The following EYA4 variants were observed in gnomAD, a reference collection of about 807,000 sequenced individuals.
The protein encoded by EYA4 is EYA transcriptional coactivator and phosphatase 4.
Under a neutral mutation model 87.9 loss-of-function variants are expected in EYA4, and 31 were observed. The ratio of observed to expected loss-of-function variants is 0.35; its 90% CI spans 0.27 to 0.48. EYA4 has a LOEUF of 0.48. EYA4 is among the 20% of genes least tolerant of loss of function. The pLI, the probability that EYA4 is intolerant of heterozygous loss-of-function variation, is 0.99. For synonymous variants in EYA4, 263 were observed against 270.6 expected (o/e 0.97, Z 0.28); for missense variants, 678 against 761.4 (o/e 0.89, Z 1.29).
chr6:133,488,210 T>G (rs1188255862), intron 13 of EYA4, among the ~76,000 whole-genome samples: 2 of 151,920 alleles, frequency 1.3e-5, no homozygotes, highest in Non-Finnish European at 2.9e-5. Context: ...GGGTGCTAGC[T>G]CAACCACAGT....
intron 3 of EYA4, among the ~76,000 whole-genome samples, chr6:133,440,454 T>C (rs1201847233): frequency 6.6e-6 from 1 of 152,204 alleles, no homozygotes; most frequent in Non-Finnish European, 1.5e-5. Flanking sequence ...GCTTCTTTTT[T>C]TTCATTTGTT....
chr6:133,389,913 C>T (rs1422583816), intron 3 of EYA4, among the ~76,000 whole-genome samples: 2 of 152,116 alleles, frequency 1.3e-5, no homozygotes, highest in Non-Finnish European at 1.5e-5. Flanking sequence ...AATCTTGCCA[C>T]CTCACCTCTG....
intron 2 of EYA4, among the ~76,000 whole-genome samples, chr6:133,378,926 G>GGTGT (rs10681162): frequency 0.071 from 10,002 of 141,748 alleles, 368 homozygotes; most frequent in Non-Finnish European, 0.076. Context: ...TTTCTGTCTT[G>GGTGT]GTGTGTGTGT....
chr6:133,423,441 C>G (rs1183660030), intron 3 of EYA4, among the ~76,000 whole-genome samples: 2 of 152,162 alleles, frequency 1.3e-5, no homozygotes, highest in East Asian at 3.8e-4. Flanking sequence ...TTACCACACT[C>G]TAGTTAACGT....
intron 3 of EYA4, among the ~76,000 whole-genome samples, chr6:133,441,977 A>C (rs115076144): frequency 0.034 from 5,181 of 151,508 alleles, 259 homozygotes; most frequent in African/African-American, 0.1. Flanking sequence ...ATTGATCCAT[A>C]TATGACAGAT....
intron 3 of EYA4, among the ~76,000 whole-genome samples, chr6:133,400,369 G>A (rs749194209): frequency 6.6e-6 from 1 of 152,098 alleles, no homozygotes; most frequent in African/African-American, 2.4e-5. Context: ...TTAGTAGGGT[G>A]TGGTGGCGCA....
chr6:133,423,689 A>G (rs548397823), intron 3 of EYA4, among the ~76,000 whole-genome samples: 1 of 152,322 alleles, frequency 6.6e-6, no homozygotes, highest in African/African-American at 2.4e-5. Flanking sequence ...CGCCACATAA[A>G]CATACCTCAG....
intron 1 of EYA4, among the ~76,000 whole-genome samples, chr6:133,264,082 G>A (rs1776009901): frequency 1.3e-5 from 2 of 152,228 alleles, no homozygotes; most frequent in African/African-American, 4.8e-5. Flanking sequence ...TACCCTCACA[G>A]GAGACTCATG....
chr6:133,268,030 A>G (rs576914086), intron 1 of EYA4, among the ~76,000 whole-genome samples: 4 of 152,224 alleles, frequency 2.6e-5, no homozygotes, highest in Non-Finnish European at 5.9e-5. Flanking sequence ...TGGGCATTGA[A>G]TATGTATACA....
chr6:133,332,090 G>A (rs6569877), intron 2 of EYA4, among the ~76,000 whole-genome samples: 40,642 of 152,048 alleles, frequency 0.27, 7,091 homozygotes, highest in East Asian at 0.49. Context: ...CTCTCTGCGT[G>A]GTCACCAAAC....
At chr6:133,333,728 A>G (rs1381334562) in intron 2 of EYA4, among the ~76,000 whole-genome samples, 2 of 152,152 alleles carry the variant, frequency 1.3e-5, no homozygotes, top group African/African-American at 4.8e-5. Flanking sequence ...TATACCAATT[A>G]TGTTAGCAAG....
intron 2 of EYA4, among the ~76,000 whole-genome samples, chr6:133,366,810 T>G (rs1784887123): frequency 1.3e-5 from 2 of 152,238 alleles, no homozygotes; most frequent in African/African-American, 4.8e-5. Context: ...TCATGTGGTC[T>G]TTTTCAAAGT....
Position 133,530,328 on chromosome 6 carries a change from G to A in EYA4, c.*1523G>A. The stretch of plus-strand genomic sequence containing the variant: ...TACAAGAAGAGCCCATCATCGTTGT[G>A]TTTGCATGGTTTTTTTCCTTGTGTG... On this transcript the variant is annotated 3_prime_UTR_variant, in exon 20 of 20. Transcript: ENST00000355286. 2.0e-6 allele frequency: 2 copies of A among 985,416 alleles called. No individual in the cohort carries two copies. The highest frequency in any genetic ancestry group is 2.4e-6 in the Non-Finnish European group (2 of 829,934). 61.0% of individuals were successfully genotyped at this position (985,416 alleles called of 1,614,324 possible). A position where few individuals can be genotyped will look rare whatever the true frequency, so the allele number is the denominator to read the frequency against.
At chr6:133,458,921 G>T (rs1280493403) in intron 6 of EYA4, among the ~76,000 whole-genome samples, 1 of 152,162 alleles carries the variant, frequency 6.6e-6, no homozygotes, top group Non-Finnish European at 1.5e-5. Flanking sequence ...ATGATGGAAT[G>T]TAATGAGTGT....
At chr6:133,342,485 T>C (rs1782854835) in intron 2 of EYA4, among the ~76,000 whole-genome samples, 2 of 146,486 alleles carry the variant, frequency 1.4e-5, no homozygotes, top group African/African-American at 5.0e-5. Flanking sequence ...AAGCCTGTTT[T>C]ATAGTGAGCT....
intron 2 of EYA4, among the ~76,000 whole-genome samples, chr6:133,381,800 T>C (rs1210412705): frequency 6.6e-6 from 1 of 152,176 alleles, no homozygotes; most frequent in Admixed American, 6.6e-5. Flanking sequence ...GGCCTAGAAG[T>C]ATGAGTTATT....
chr6:133,263,322 A>C (rs1203358097), intron 1 of EYA4, among the ~76,000 whole-genome samples: 1 of 152,218 alleles, frequency 6.6e-6, no homozygotes, highest in Non-Finnish European at 1.5e-5. Context: ...AAGAGCAGAG[A>C]AACAGTGAGA....
intron 3 of EYA4, among the ~76,000 whole-genome samples, chr6:133,439,074 A>AAAAAAAAAAAAAAAAAAAAC: frequency 6.8e-6 from 1 of 146,850 alleles, no homozygotes; most frequent in Non-Finnish European, 1.5e-5. Flanking sequence ...AAAAAAAAAA[A>AAAAAAAAAAAAAAAAAAAAC]AAGTCTTTGG....
chr6:133,403,792 TG>T, intron 3 of EYA4, among the ~76,000 whole-genome samples: 1 of 152,256 alleles, frequency 6.6e-6, no homozygotes. Context: ...TTTCCTGTCA[TG>T]TTTTTTGTTT....
Sources: allele counts gnomAD v4.1 joint callset (sites outside exome capture counted in the v4.1 genomes callset), GRCh38; gene constraint gnomAD v4.1.1; transcripts MANE v1.5; gene names NCBI Gene and HGNC (gene_info 2026-07-23, HGNC 2026-07-21).